Variants in TTYH2 observed in about 807,000 individuals in gnomAD.
TTYH2 encodes the protein protein tweety homolog 2.
In TTYH2, 49 loss-of-function variants were observed where a neutral mutation model predicts 68.3. The ratio of observed to expected loss-of-function variants is 0.72; its 90% CI spans 0.57 to 0.91. The LOEUF (loss-of-function observed/expected upper bound fraction) is 0.91. Among genes scored for constraint, TTYH2 ranks in the 40% least tolerant of loss-of-function variants. The pLI is 0.00. For missense variants in TTYH2, 631 were observed against 700.4 expected, an observed-to-expected ratio of 0.90 and a Z score of 1.12; for synonymous variants, 272 against 300.8, an observed-to-expected ratio of 0.90 and a Z score of 0.99.
At chr17:74,238,370 A>C (rs952000475) in intron 4 of TTYH2, among the ~76,000 whole-genome samples, 2 of 152,154 alleles carry the variant, frequency 1.3e-5, no homozygotes, top group Non-Finnish European at 2.9e-5. Context: ...GGCACAAGGG[A>C]GGAATGAGGC....
intron 5 of TTYH2, 89 bp downstream of exon 5, chr17:74,243,558 G>A: frequency 1.4e-6 from 2 of 1,448,440 alleles, no homozygotes; most frequent in East Asian, 2.3e-5. Context: ...GCTCCAGAGT[G>A]TGGGGAAAAT....
In TTYH2 at chr17:74,222,986, C is replaced by G. The variant is rs1209225912; in HGVS notation, c.302+329C>G. Among the ~76,000 whole-genome samples, 3 of 152,310 alleles carry G rather than the reference C, an allele frequency of 2.0e-5. No homozygotes were observed. The East Asian group carries it at 5.8e-4, about 29-fold the overall frequency. On this transcript the variant is annotated intron_variant, in intron 2 of 13. Coordinates refer to ENST00000269346, the MANE Select transcript of TTYH2 (RefSeq NM_032646.6). The surrounding 1 kb of genome is among the most constrained non-coding windows in gnomAD (Gnocchi z 5.2). ...TCCCTGGCCCCTGCCAGCTGCTGCCCTGGGTCTGTGAGGTCAGAAGAAAGT... is the reference window on the plus strand; with the variant it reads ...TCCCTGGCCCCTGCCAGCTGCTGCCGTGGGTCTGTGAGGTCAGAAGAAAGT...
intron 4 of TTYH2, among the ~76,000 whole-genome samples, chr17:74,238,867 C>CAA (rs56366411): frequency 1.5e-5 from 2 of 131,190 alleles, no homozygotes; most frequent in Non-Finnish European, 3.3e-5. Flanking sequence ...AACTCCATCT[C>CAA]AAAAAAAAAA....
rs1203875037 is a variant in TTYH2 at position 74,215,610 on chromosome 17, T to A, written c.129+1894T>A. 6.5e-7 allele frequency: 1 copy of A among 1,535,016 alleles called. No individual in the cohort carries two copies. Among genetic ancestry groups the A allele is most frequent in the African/African-American group, 1.4e-5 (1 of 73,022 alleles). ...CCTGCCCACTGGCTCCTGGTCCCGCTCACCCCCTCACCACCACTCAGATCG... is the reference window on the plus strand; with the variant it reads ...CCTGCCCACTGGCTCCTGGTCCCGCACACCCCCTCACCACCACTCAGATCG... On this transcript the variant is annotated intron_variant, in intron 1 of 13. Coordinates refer to ENST00000269346, the MANE Select transcript of TTYH2 (RefSeq NM_032646.6). This position sits in a 1 kb window ranked among gnomAD's most constrained non-coding sequence, Gnocchi z 4.3.
At chr17:74,216,960 T>G (rs1435772861) in intron 1 of TTYH2, among the ~76,000 whole-genome samples, 1 of 152,188 alleles carries the variant, frequency 6.6e-6, no homozygotes, top group Non-Finnish European at 1.5e-5. Flanking sequence ...AATCACTGCT[T>G]AGGAAGGAGA....
chr17:74,254,905 C>G (rs1221897092), intron 13 of TTYH2, among the ~76,000 whole-genome samples: 1 of 152,206 alleles, frequency 6.6e-6, no homozygotes, highest in Non-Finnish European at 1.5e-5. Context: ...CAAACACAGC[C>G]TTCCTCAATC....
At chr17:74,243,494 G>A in intron 5 of TTYH2, 25 bp downstream of exon 5, 2 of 1,609,106 alleles carry the variant, frequency 1.2e-6, no homozygotes, top group Non-Finnish European at 1.7e-6. Flanking sequence ...CCGTGGACCT[G>A]GGACAAAGAG....
chr17:74,223,730 C>A (rs2050302073), intron 2 of TTYH2, among the ~76,000 whole-genome samples: 1 of 152,156 alleles, frequency 6.6e-6, no homozygotes, highest in South Asian at 2.1e-4. Context: ...GGTGTGGTCA[C>A]CCCAGAGAGT....
At chr17:74,225,924 C>T (rs963431042) in intron 2 of TTYH2, among the ~76,000 whole-genome samples, 1 of 152,216 alleles carries the variant, frequency 6.6e-6, no homozygotes, top group African/African-American at 2.4e-5. Context: ...GGAGGCCCAG[C>T]TGGAGAGCAG....
chr17:74,241,229 T>C lies in TTYH2; in HGVS notation c.636-2145T>C, dbSNP rs2050496205. On this transcript the variant is annotated intron_variant, in intron 4 of 13. Transcript: ENST00000269346. The surrounding 1 kb of genome is among the most constrained non-coding windows in gnomAD (Gnocchi z 4.1). ...TGAGTCCAGGAGTTTGAGACCAGCC[T>C]GGACAACATAGACAGACCCGGTATT... 6.6e-6 allele frequency among the ~76,000 whole-genome samples: 1 copy of C among 151,736 alleles called. No individual in the cohort carries two copies. Among genetic ancestry groups the C allele is most frequent in the South Asian group, 2.1e-4 (1 of 4,816 alleles).
rs572123739 is a variant in TTYH2 at position 74,232,258 on chromosome 17, G to A, written c.414+1259G>A. Among the ~76,000 whole-genome samples the A allele has an allele frequency of 2.0e-4, 31 of 152,318 alleles. No homozygotes were observed. Among genetic ancestry groups the A allele is most frequent in the African/African-American group, 7.0e-4 (29 of 41,572 alleles). On this transcript the variant is annotated intron_variant, in intron 3 of 13. Transcript: ENST00000269346. The surrounding 1 kb of genome is among the most constrained non-coding windows in gnomAD (Gnocchi z 5.1). ...TTTAATCCCTCAGTCAACAAGGGGGGTCGGGGGTGTCACCTTAAAGAGACA... is the reference window on the plus strand; with the variant it reads ...TTTAATCCCTCAGTCAACAAGGGGGATCGGGGGTGTCACCTTAAAGAGACA...
At chr17:74,221,869 G>A (rs920038951) in intron 1 of TTYH2, among the ~76,000 whole-genome samples, 66 of 152,204 alleles carry the variant, frequency 4.3e-4, no homozygotes, top group African/African-American at 1.4e-3. Flanking sequence ...CCCAAGCATG[G>A]AGCTGGCTTC....
At chr17:74,246,841 G>A (rs2050563171) in intron 6 of TTYH2, among the ~76,000 whole-genome samples, 1 of 152,086 alleles carries the variant, frequency 6.6e-6, no homozygotes, top group Non-Finnish European at 1.5e-5. Flanking sequence ...TACATGGATG[G>A]CAGCAGGCAA....
intron 13 of TTYH2, among the ~76,000 whole-genome samples, chr17:74,254,061 A>G (rs2050667699): frequency 6.6e-6 from 1 of 152,234 alleles, no homozygotes; most frequent in African/African-American, 2.4e-5. Context: ...GACACAGCCC[A>G]CTGCATACCT....
chr17:74,228,777 C>T (rs1416315016), intron 2 of TTYH2, among the ~76,000 whole-genome samples: 1 of 152,190 alleles, frequency 6.6e-6, no homozygotes, highest in African/African-American at 2.4e-5. Context: ...ATGACCCCTG[C>T]TGCGCTCAGA....
intron 6 of TTYH2, among the ~76,000 whole-genome samples, chr17:74,245,713 ATGC>A (rs1431573193): frequency 1.3e-5 from 2 of 152,152 alleles, no homozygotes; most frequent in Non-Finnish European, 2.9e-5. Context: ...CGGGCTGGAG[ATGC>A]TGCTGCATTT....
chr17:74,235,024 G>T (rs1195868560), intron 3 of TTYH2, among the ~76,000 whole-genome samples: 1 of 152,140 alleles, frequency 6.6e-6, no homozygotes, highest in East Asian at 1.9e-4. Flanking sequence ...ACATGGTAGA[G>T]TGTCTCCGTA....
intron 11 of TTYH2, 113 bp downstream of exon 11, chr17:74,252,489 C>T: frequency 7.6e-7 from 1 of 1,323,668 alleles, no homozygotes; most frequent in Admixed American, 2.6e-5. Context: ...AGGAGGGCAG[C>T]AGAGGGCCCG....
At chr17:74,249,153 C>G (rs1238863215) in intron 7 of TTYH2, 73 bp downstream of exon 7, 3 of 1,603,706 alleles carry the variant, frequency 1.9e-6, no homozygotes, top group Non-Finnish European at 2.6e-6. Flanking sequence ...TTACCTCTTT[C>G]AGCCCTGTAG....
Sources: allele counts gnomAD v4.1 joint callset (sites outside exome capture counted in the v4.1 genomes callset), GRCh38; gene constraint gnomAD v4.1.1; non-coding constraint Gnocchi (gnomAD v3.1); transcripts MANE v1.5; gene names NCBI Gene and HGNC (gene_info 2026-07-23, HGNC 2026-07-21).